The following LHFPL6 variants were observed in gnomAD, a reference collection of about 807,000 sequenced individuals.
LHFPL6 encodes LHFPL tetraspan subfamily member 6.
Under a neutral mutation model 20.6 loss-of-function variants are expected in LHFPL6, and 9 were observed. That is an observed-to-expected ratio of 0.44 (90% confidence interval 0.26 to 0.76). The LOEUF (loss-of-function observed/expected upper bound fraction) is 0.76. Among genes scored for constraint, LHFPL6 ranks in the 30% least tolerant of loss-of-function variants. The pLI, the probability that LHFPL6 is intolerant of heterozygous loss-of-function variation, is 0.20. For synonymous variants in LHFPL6, 105 were observed against 98.7 expected (o/e 1.06, Z -0.38); for missense variants, 218 against 253.5 (o/e 0.86, Z 0.95).
intron 2 of LHFPL6, among the ~76,000 whole-genome samples, chr13:39,482,991 T>C (rs538689074): frequency 3.3e-5 from 5 of 152,324 alleles, no homozygotes; most frequent in African/African-American, 9.6e-5. Context: ...CTTTCATCTT[T>C]TATCTTCCCA....
chr13:39,427,142 C>A (rs1461090285), intron 2 of LHFPL6, among the ~76,000 whole-genome samples: 2 of 150,562 alleles, frequency 1.3e-5, no homozygotes, highest in Admixed American at 1.3e-4. Flanking sequence ...GATTTTGTAT[C>A]CTGAAGTTTG....
intron 3 of LHFPL6, among the ~76,000 whole-genome samples, chr13:39,371,552 T>C (rs926551178): frequency 2.0e-5 from 3 of 152,214 alleles, no homozygotes; most frequent in Non-Finnish European, 4.4e-5. Context: ...TATACTGTTT[T>C]ATTCTCTCAA....
At chr13:39,586,748 G>A (rs920377735) in intron 2 of LHFPL6, among the ~76,000 whole-genome samples, 1 of 152,122 alleles carries the variant, frequency 6.6e-6, no homozygotes, top group African/African-American at 2.4e-5. Flanking sequence ...GCCTGTAACT[G>A]CCTTTCCTGC....
intron 2 of LHFPL6, among the ~76,000 whole-genome samples, chr13:39,436,865 T>C (rs1346553432): frequency 1.3e-5 from 2 of 152,120 alleles, no homozygotes; most frequent in African/African-American, 4.8e-5. Context: ...GGGAGGTGTA[T>C]GTGGATCATA....
At chr13:39,557,311 CTTGGTGGCCGCCAT>C (rs1280247413) in intron 2 of LHFPL6, among the ~76,000 whole-genome samples, 1 of 152,218 alleles carries the variant, frequency 6.6e-6, no homozygotes, top group African/African-American at 2.4e-5. Flanking sequence ...AGCCATCAGC[CTTGGTGGCCGCCAT>C]GTGGTGTTAA....
At chr13:39,499,404 C>T (rs1432591282) in intron 2 of LHFPL6, among the ~76,000 whole-genome samples, 1 of 152,162 alleles carries the variant, frequency 6.6e-6, no homozygotes, top group East Asian at 1.9e-4. Flanking sequence ...GCTGGTCTTC[C>T]TTCCTCAGTC....
chr13:39,568,515 T>TA (rs1490528734), intron 2 of LHFPL6, among the ~76,000 whole-genome samples: 1 of 152,136 alleles, frequency 6.6e-6, no homozygotes, highest in Admixed American at 6.5e-5. Context: ...CCTATATAAA[T>TA]AAAAAAACCT....
At chr13:39,577,829 C>T (rs755449424) in intron 2 of LHFPL6, among the ~76,000 whole-genome samples, 3 of 151,562 alleles carry the variant, frequency 2.0e-5, no homozygotes, top group Non-Finnish European at 4.4e-5. Flanking sequence ...TTAGTAGAGA[C>T]GGAGTTTCAC....
At chr13:39,567,089 T>C (rs1319587282) in intron 2 of LHFPL6, among the ~76,000 whole-genome samples, 1 of 151,802 alleles carries the variant, frequency 6.6e-6, no homozygotes, top group African/African-American at 2.4e-5. Context: ...ACGTTACAAT[T>C]ATTGAAAAGG....
intron 2 of LHFPL6, among the ~76,000 whole-genome samples, chr13:39,499,338 T>C (rs879363443): frequency 6.6e-6 from 1 of 152,214 alleles, no homozygotes; most frequent in African/African-American, 2.4e-5. Flanking sequence ...TTTACAGAAA[T>C]GACTCCAAGC....
At chr13:39,493,325 GA>G (rs1868993462) in intron 2 of LHFPL6, among the ~76,000 whole-genome samples, 1 of 147,624 alleles carries the variant, frequency 6.8e-6, no homozygotes, top group Non-Finnish European at 1.5e-5. Context: ...AAAAAATAGG[GA>G]AAAAGAAAAG....
At chr13:39,345,575 G>T (rs941678135) in intron 3 of LHFPL6, among the ~76,000 whole-genome samples, 1 of 138,420 alleles carries the variant, frequency 7.2e-6, no homozygotes, top group Non-Finnish European at 1.5e-5. Flanking sequence ...TCACAAGTCA[G>T]TCTGCAGGAA....
At chr13:39,564,616 G>A (rs1288174517) in intron 2 of LHFPL6, among the ~76,000 whole-genome samples, 5 of 152,148 alleles carry the variant, frequency 3.3e-5, no homozygotes, top group Non-Finnish European at 5.9e-5. Flanking sequence ...ATTGCACTAC[G>A]CTATTATACC....
chr13:39,594,444 A>G (rs1232113169), intron 2 of LHFPL6, among the ~76,000 whole-genome samples: 1 of 152,204 alleles, frequency 6.6e-6, no homozygotes. Context: ...TTAGAATGGC[A>G]ATCATTAAAA....
intron 2 of LHFPL6, among the ~76,000 whole-genome samples, chr13:39,521,927 C>G (rs1385676999): frequency 3.3e-5 from 5 of 152,146 alleles, no homozygotes; most frequent in Non-Finnish European, 7.4e-5. Flanking sequence ...TTAATGGAAT[C>G]CCGAATGAAA....
intron 2 of LHFPL6, among the ~76,000 whole-genome samples, chr13:39,500,701 A>G (rs1869265008): frequency 6.6e-6 from 1 of 152,202 alleles, no homozygotes; most frequent in South Asian, 2.1e-4. Flanking sequence ...TTGTATATTA[A>G]ATGTTCTCAA....
intron 2 of LHFPL6, among the ~76,000 whole-genome samples, chr13:39,378,785 T>C (rs552153967): frequency 6.6e-6 from 1 of 152,288 alleles, no homozygotes; most frequent in African/African-American, 2.4e-5. Context: ...GCAAATCCTG[T>C]TTAGGAAATA....
intron 2 of LHFPL6, among the ~76,000 whole-genome samples, chr13:39,445,183 A>G (rs1448155211): frequency 6.6e-6 from 1 of 152,224 alleles, no homozygotes; most frequent in Non-Finnish European, 1.5e-5. Context: ...AGAACAGCCC[A>G]GTAAACTTCT....
intron 3 of LHFPL6, among the ~76,000 whole-genome samples, chr13:39,377,740 T>C (rs1269211158): frequency 6.6e-6 from 1 of 152,234 alleles, no homozygotes; most frequent in African/African-American, 2.4e-5. Flanking sequence ...TGAAATTTTC[T>C]TATTAGTCTG....
Sources: allele counts gnomAD v4.1 joint callset (sites outside exome capture counted in the v4.1 genomes callset), GRCh38; gene constraint gnomAD v4.1.1; transcripts MANE v1.5; gene names NCBI Gene and HGNC (gene_info 2026-07-23, HGNC 2026-07-21).